FAM180A: variants seen among roughly 807,000 people sequenced by gnomAD.
FAM180A encodes protein FAM180A.
In FAM180A, 14 loss-of-function variants were observed where a neutral mutation model predicts 15.3. That is an observed-to-expected ratio of 0.92 (90% confidence interval 0.61 to 1.43). The LOEUF is 1.43. Among genes scored for constraint, FAM180A ranks in the 40% most tolerant of loss-of-function variants. The probability of loss-of-function intolerance (pLI) is 0.00; values close to 1 mark genes in which losing one functional copy is unlikely to be tolerated. For missense variants in FAM180A, 200 were observed against 220.8 expected, an observed-to-expected ratio of 0.91 and a Z score of 0.60; for synonymous variants, 90 against 96.8, an observed-to-expected ratio of 0.93 and a Z score of 0.41.
intron 2 of FAM180A, 43 bp downstream of exon 2, chr7:135,737,056 G>A (rs771316262): frequency 1.4e-6 from 2 of 1,474,516 alleles, no homozygotes; most frequent in Admixed American, 1.8e-5. Flanking sequence ...AAAGTGCAGA[G>A]TCTTTTGGGT....
intron 1 of FAM180A, among the ~76,000 whole-genome samples, chr7:135,744,814 G>T (rs1797006594): frequency 6.6e-6 from 1 of 152,182 alleles, no homozygotes. Flanking sequence ...ACCTGTAAAT[G>T]GTTAGGATAG....
At chr7:135,743,548 A>T (rs1796987465) in intron 1 of FAM180A, among the ~76,000 whole-genome samples, 1 of 152,056 alleles carries the variant, frequency 6.6e-6, no homozygotes, top group African/African-American at 2.4e-5. Context: ...GCTTGGCAAA[A>T]GCACAGTCCA....
At chr7:135,743,620 G>T (rs907338016) in intron 1 of FAM180A, among the ~76,000 whole-genome samples, 8 of 152,138 alleles carry the variant, frequency 5.3e-5, no homozygotes, top group African/African-American at 1.9e-4. Context: ...AATGCTCTTT[G>T]TGATGACTCT....
At position 135,733,908 on chromosome 7, in the gene FAM180A, A is replaced by C; in HGVS notation, c.*67T>G. 6.7e-7 allele frequency: 1 copy of C among 1,488,060 alleles called. No individual in the cohort carries two copies. Among genetic ancestry groups the C allele is most frequent in the South Asian group, 1.4e-5 (1 of 71,780 alleles). 92.2% of individuals were successfully genotyped at this position (1,488,060 alleles called of 1,614,324 possible). A position where few individuals can be genotyped will look rare whatever the true frequency, so the allele number is the denominator to read the frequency against. ...TGTTGCTGGTCTCTGTAAATGGAGT[A>C]GAGAATGAAGACTTTCTGGATTACT... is the stretch of plus-strand genomic sequence containing the variant. On this transcript the variant is annotated 3_prime_UTR_variant, in exon 3 of 4. Transcript: ENST00000338588.
chr7:135,747,820 G>C (rs769060009), intron 1 of FAM180A, among the ~76,000 whole-genome samples: 1 of 152,140 alleles, frequency 6.6e-6, no homozygotes, highest in African/African-American at 2.4e-5. Flanking sequence ...ACTCTGGCTC[G>C]AGGTGCTCCC....
intron 3 of FAM180A, among the ~76,000 whole-genome samples, chr7:135,732,689 TCACACACACACACA>T (rs143588470): frequency 0.23 from 32,875 of 141,802 alleles, 3,942 homozygotes; most frequent in South Asian, 0.31. Flanking sequence ...CGAGACTCCA[TCACACACACACACA>T]CACACACACA....
Position 135,737,183 on chromosome 7 carries a change from G to T in FAM180A, c.93C>A (p.Ala31=). The change falls in exon 2 of 4, where the codon GCC becomes GCA. Residue 31 remains alanine (A), a synonymous_variant. Transcript: ENST00000338588. ...ATGAGGACCTCTTTGGCCGGTGGGCGGCAGGGAAGAGCACAGCTGAAAGAA... is the reference window on the plus strand; with the variant it reads ...ATGAGGACCTCTTTGGCCGGTGGGCTGCAGGGAAGAGCACAGCTGAAAGAA... ...HRWSRAVLFP[A]AHRPKRSSSL... The T allele has an allele frequency of 1.2e-6, 2 of 1,605,768 alleles. No homozygotes were observed. Among genetic ancestry groups the T allele is most frequent in the Non-Finnish European group, 8.5e-7 (1 of 1,177,090 alleles).
chr7:135,742,229 T>A (rs1584753342), intron 1 of FAM180A, among the ~76,000 whole-genome samples: 1 of 152,102 alleles, frequency 6.6e-6, no homozygotes, highest in Admixed American at 6.5e-5. Context: ...CTGGAGGTGG[T>A]GGGTGAGAAA....
intron 1 of FAM180A, among the ~76,000 whole-genome samples, chr7:135,740,149 T>C (rs1796925171): frequency 6.6e-6 from 1 of 152,210 alleles, no homozygotes. Context: ...CCATTGCCAA[T>C]GCCTGTAGTG....
Position 135,748,668 on chromosome 7 carries a change from G to T in FAM180A, c.-88C>A. ...ATGCCCGTGCCGTTCTTCCCAGTGA[G>T]ATGATGGAGTGCTTCCCTCCCTTCC... On this transcript the variant is annotated 5_prime_UTR_variant, in exon 1 of 4. Transcript: ENST00000338588. 1.0e-6 allele frequency: 1 copy of T among 987,728 alleles called. No individual in the cohort carries two copies. Among genetic ancestry groups the T allele is most frequent in the Non-Finnish European group, 1.6e-6 (1 of 614,678 alleles). The allele number at this position is 987,728 out of a possible 1,614,324, so 61.2% of individuals were successfully genotyped here.
Position 135,748,664 on chromosome 7 carries a change from G to A in FAM180A, c.-84C>T. Reference sequence around the variant, plus strand: ...AGGTATGCCCGTGCCGTTCTTCCCAGTGAGATGATGGAGTGCTTCCCTCCC... The same window carrying A: ...AGGTATGCCCGTGCCGTTCTTCCCAATGAGATGATGGAGTGCTTCCCTCCC... On this transcript the variant is annotated 5_prime_UTR_variant, in exon 1 of 4. Coordinates refer to ENST00000338588, the MANE Select transcript of FAM180A (RefSeq NM_205855.4). 1 of 1,029,248 alleles carries A rather than the reference G, an allele frequency of 9.7e-7. No individual in the cohort carries two copies. Among genetic ancestry groups the A allele is most frequent in the Non-Finnish European group, 1.5e-6 (1 of 651,256 alleles). The allele number at this position is 1,029,248 out of a possible 1,614,324, so 63.8% of individuals were successfully genotyped here.
chr7:135,740,974 CA>C (rs66604052), intron 1 of FAM180A, among the ~76,000 whole-genome samples: 124,547 of 150,448 alleles, frequency 0.83, 52,855 homozygotes, highest in Non-Finnish European at 0.91. Flanking sequence ...CAAAACAAAA[CA>C]AAAAAAAAAA....
intron 1 of FAM180A, among the ~76,000 whole-genome samples, chr7:135,747,542 C>T (rs577431046): frequency 1.6e-3 from 240 of 152,192 alleles, no homozygotes; most frequent in African/African-American, 5.6e-3. Flanking sequence ...CCTTCTCTCG[C>T]GCTGCTCTAT....
chr7:135,730,358 A>G (rs1796763843), intron 3 of FAM180A, 77 bp from the exon 4 acceptor site: 2 of 393,786 alleles, frequency 5.1e-6, no homozygotes, highest in African/African-American at 2.2e-5. Flanking sequence ...CCTGGCCAAC[A>G]TGGTGAAACC....
intron 1 of FAM180A, among the ~76,000 whole-genome samples, chr7:135,744,867 G>A (rs1797007674): frequency 6.6e-6 from 1 of 152,146 alleles, no homozygotes; most frequent in Non-Finnish European, 1.5e-5. Context: ...AGATGGCTCT[G>A]TATGGGGCAC....
intron 1 of FAM180A, among the ~76,000 whole-genome samples, chr7:135,741,822 C>CAAA (rs59304333): frequency 1.1e-3 from 130 of 119,310 alleles, no homozygotes; most frequent in Middle Eastern, 4.8e-3. Context: ...GACCCTGTCT[C>CAAA]AAAAAAAAAA....
chr7:135,738,808 T>C (rs1424797303), intron 1 of FAM180A, among the ~76,000 whole-genome samples: 1 of 152,106 alleles, frequency 6.6e-6, no homozygotes, highest in African/African-American at 2.4e-5. Context: ...TGCCAGCTGA[T>C]AGAAAAAGGT....
intron 1 of FAM180A, among the ~76,000 whole-genome samples, chr7:135,745,469 CTG>C (rs142097069): frequency 2.8e-3 from 421 of 149,728 alleles, no homozygotes; most frequent in Non-Finnish European, 4.4e-3. Flanking sequence ...CGTGGGCCAC[CTG>C]TGTGTGTGTG....
At chr7:135,739,436 C>T (rs1796915234) in intron 1 of FAM180A, among the ~76,000 whole-genome samples, 1 of 151,380 alleles carries the variant, frequency 6.6e-6, no homozygotes, top group African/African-American at 2.4e-5. Context: ...TGGTGAAACC[C>T]CATCTCTACT....
Sources: allele counts gnomAD v4.1 joint callset (sites outside exome capture counted in the v4.1 genomes callset), GRCh38; gene constraint gnomAD v4.1.1; transcripts MANE v1.5; gene names NCBI Gene and HGNC (gene_info 2026-07-23, HGNC 2026-07-21).